The following GCKR variants were observed in gnomAD, a reference collection of about 807,000 sequenced individuals.
The protein encoded by GCKR is glucokinase regulatory protein.
Under a neutral mutation model 82.9 loss-of-function variants are expected in GCKR, and 73 were observed. The ratio of observed to expected loss-of-function variants is 0.88; its 90% CI spans 0.73 to 1.07. The LOEUF (loss-of-function observed/expected upper bound fraction) is 1.07, where lower values mean the gene tolerates loss of function less well. Among genes scored for constraint, GCKR ranks in the 50% least tolerant of loss-of-function variants. The pLI, the probability that GCKR is intolerant of heterozygous loss-of-function variation, is 0.00. For synonymous variants in GCKR, 294 were observed against 291.8 expected, an observed-to-expected ratio of 1.01 and a Z score of -0.08; for missense variants, 784 against 782.1, an observed-to-expected ratio of 1.00 and a Z score of -0.03.
intron 13 of GCKR, 166 bp downstream of exon 13, chr2:27,507,477 G>A (rs192343838): frequency 5.8e-4 from 408 of 699,274 alleles, no homozygotes; most frequent in Middle Eastern, 2.7e-3. Context: ...GGGCAGTGTG[G>A]AAAGCTCTAG....
chr2:27,503,654 T>G (rs957123624), intron 9 of GCKR, 35 bp downstream of exon 9: 2 of 1,086,678 alleles, frequency 1.8e-6, no homozygotes, highest in African/African-American at 1.5e-5. Flanking sequence ...TCTCCACCCC[T>G]CCAACACCTG....
chr2:27,506,490 G>A lies in GCKR; in HGVS notation c.879G>A (p.Leu293=). Residue 293 remains leucine, a synonymous_variant, in exon 11 of 19, where the codon CTG becomes CTA. Coordinates refer to ENST00000264717, the MANE Select transcript of GCKR (RefSeq NM_001486.4). Reference sequence around the variant, plus strand: ...GTGGCTTTTCTCCCAGATGCCTCCTGGAAATCTTGCGGACATTTGAGCGAG... The same window carrying A: ...GTGGCTTTTCTCCCAGATGCCTCCTAGAAATCTTGCGGACATTTGAGCGAG... ...QGIAASQRCL[L]EILRTFERAH... 1 of 1,613,184 alleles carries A rather than the reference G, an allele frequency of 6.2e-7. No individual in the cohort carries two copies. Among genetic ancestry groups the A allele is most frequent in the Non-Finnish European group, 8.5e-7 (1 of 1,179,146 alleles).
At chr2:27,507,816 G>T (rs1483067543) in intron 14 of GCKR, 39 bp downstream of exon 14, 1 of 1,294,460 alleles carries the variant, frequency 7.7e-7, no homozygotes, top group Non-Finnish European at 1.1e-6. Context: ...GTGGGGAGGG[G>T]GAAATAGAAT....
chr2:27,507,214 C>T, intron 12 of GCKR, 21 bp from the exon 13 acceptor site: 1 of 1,547,746 alleles, frequency 6.5e-7, no homozygotes, highest in Non-Finnish European at 8.9e-7. Context: ...ACTCCTCTCT[C>T]CTTGTTCTTA....
chr2:27,505,336 C>T (rs1003911894), intron 9 of GCKR, among the ~76,000 whole-genome samples: 16 of 140,004 alleles, frequency 1.1e-4, no homozygotes, highest in African/African-American at 4.4e-4. Context: ...GCAGAGCTTG[C>T]AGTGAGCCGA....
At chr2:27,512,255 AAG>A (rs1558440221) in intron 16 of GCKR, among the ~76,000 whole-genome samples, 3 of 141,944 alleles carry the variant, frequency 2.1e-5, no homozygotes, top group African/African-American at 8.0e-5. Flanking sequence ...AAAAAAAAAA[AAG>A]CCGGGCGTGG....
chr2:27,514,694 A>C (rs1272178951), intron 16 of GCKR, among the ~76,000 whole-genome samples: 1 of 152,224 alleles, frequency 6.6e-6, no homozygotes, highest in Non-Finnish European at 1.5e-5. Flanking sequence ...TGATGTAATG[A>C]ATGTACATGT....
chr2:27,502,896 T>G (rs1345583576), intron 8 of GCKR, among the ~76,000 whole-genome samples: 1 of 152,228 alleles, frequency 6.6e-6, no homozygotes, highest in African/African-American at 2.4e-5. Context: ...AAGAAGATCG[T>G]CATTCTTTGA....
rs540087135 is a variant in GCKR at position 27,523,620 on chromosome 2, G to T, written c.*181G>T. ...GGGGAGAGTTCTTGCTCTCGACCTAGTGGTTTCTACTCTCACCGACTTATT... is the reference window on the plus strand; with the variant it reads ...GGGGAGAGTTCTTGCTCTCGACCTATTGGTTTCTACTCTCACCGACTTATT... On this transcript the variant is annotated 3_prime_UTR_variant, in exon 19 of 19. Transcript: ENST00000264717. 3.1e-5 allele frequency: 20 copies of T among 635,206 alleles called. No homozygotes were observed. The highest frequency in any genetic ancestry group is 2.9e-4 in the South Asian group (16 of 54,538). The allele number at this position is 635,206 out of a possible 1,614,324, so 39.3% of individuals were successfully genotyped here. A position where few individuals can be genotyped will look rare whatever the true frequency, so the allele number is the denominator to read the frequency against.
chr2:27,521,935 G>T (rs941886957), intron 17 of GCKR, among the ~76,000 whole-genome samples: 3 of 151,592 alleles, frequency 2.0e-5, no homozygotes, highest in Non-Finnish European at 4.4e-5. Context: ...TGTTGCCTAG[G>T]CTGGTCTCGA....
chr2:27,505,212 C>T (rs372861558), intron 9 of GCKR, among the ~76,000 whole-genome samples: 7 of 138,938 alleles, frequency 5.0e-5, no homozygotes, highest in African/African-American at 1.1e-4. Flanking sequence ...CTGGCTAACA[C>T]GGTGAAACCC....
chr2:27,503,492 C>A (rs183738110), intron 8 of GCKR, 22 bp from the exon 9 acceptor site: 1 of 1,279,272 alleles, frequency 7.8e-7, no homozygotes, highest in South Asian at 1.2e-5. Flanking sequence ...ATCTCCCCAC[C>A]TTGTGTCTCT....
In GCKR at chr2:27,518,850, G is replaced by T. The variant is rs1482417672; in HGVS notation, c.1485G>T (p.Val495=). 6.8e-6 allele frequency: 11 copies of T among 1,613,018 alleles called. No individual in the cohort carries two copies. Among genetic ancestry groups the T allele is most frequent in the Non-Finnish European group, 9.3e-6 (11 of 1,178,994 alleles). ...VLNTVSTGAH[V]LLGKILQNHM... is the part of the protein sequence containing the mutation. ...ATACAGTGAGTACAGGTGCTCATGT[G>T]CTTCTTGGTAAGATCCTACAAAACC... Residue 495 remains valine (V), a synonymous_variant, in exon 17 of 19, where the codon GTG becomes GTT. Transcript: ENST00000264717.
intron 18 of GCKR, among the ~76,000 whole-genome samples, chr2:27,522,954 A>G (rs1174119798): frequency 6.8e-6 from 1 of 147,928 alleles, no homozygotes; most frequent in Non-Finnish European, 1.5e-5. Context: ...GCTGGAGTGC[A>G]GTGGCGCGAT....
At chr2:27,522,665 G>A (rs1670180195) in intron 18 of GCKR, 71 bp downstream of exon 18, 8 of 1,331,572 alleles carry the variant, frequency 6.0e-6, no homozygotes, top group Middle Eastern at 3.7e-4. Context: ...AAGTTTGTTC[G>A]GCACTGGGTT....
At chr2:27,509,585 AC>A (rs1447047257) in intron 16 of GCKR, 3 of 428,842 alleles carry the variant, frequency 7.0e-6, no homozygotes, top group African/African-American at 4.0e-5. Flanking sequence ...CAAGTGATCC[AC>A]CCGCCTTAGC....
At chr2:27,522,683 C>G (rs1326043685) in intron 18 of GCKR, 89 bp downstream of exon 18, 1 of 1,060,046 alleles carries the variant, frequency 9.4e-7, no homozygotes, top group Non-Finnish European at 1.5e-6. Flanking sequence ...GTTTACAAAG[C>G]TCAGTGGCAC....
chr2:27,500,510 A>G (rs1048219395), intron 7 of GCKR, among the ~76,000 whole-genome samples: 4 of 152,224 alleles, frequency 2.6e-5, no homozygotes, highest in Non-Finnish European at 5.9e-5. Context: ...TGCTATAGCC[A>G]TAGGGTTGAG....
At chr2:27,516,146 T>G (rs1669999274) in intron 16 of GCKR, among the ~76,000 whole-genome samples, 2 of 151,882 alleles carry the variant, frequency 1.3e-5, no homozygotes, top group African/African-American at 4.8e-5. Flanking sequence ...CATACTCAAT[T>G]TCTATGTGCA....
Sources: gnomAD v4.1 joint callset for allele counts (sites outside exome capture counted in the v4.1 genomes callset) on GRCh38, gnomAD v4.1.1 for gene constraint, MANE v1.5 for transcripts, NCBI Gene and HGNC (gene_info 2026-07-23, HGNC 2026-07-21) for gene names.